The following PCDH7 variants were observed in gnomAD, a reference collection of about 807,000 sequenced individuals.
PCDH7 encodes the protein protocadherin 7.
PCDH7 carries 17 observed loss-of-function variants against 58.9 expected under a neutral mutation model. That is an observed-to-expected ratio of 0.29 (90% CI 0.20 to 0.43). PCDH7 has a LOEUF of 0.43. Ranked by LOEUF, PCDH7 falls within the 20% of genes least tolerant of loss-of-function variation. The probability of loss-of-function intolerance (pLI) is 1.00; values close to 1 mark genes in which losing one functional copy is unlikely to be tolerated. For synonymous variants in PCDH7, 664 were observed against 616.4 expected, an observed-to-expected ratio of 1.08 and a Z score of -1.14; for missense variants, 1,274 against 1,441.0, an observed-to-expected ratio of 0.88 and a Z score of 1.88.
At chr4:30,891,873 C>T (rs559058258) in intron 1 of PCDH7, among the ~76,000 whole-genome samples, 1 of 151,160 alleles carries the variant, frequency 6.6e-6, no homozygotes, top group Non-Finnish European at 1.5e-5. Context: ...TTTGTGCTCA[C>T]ATGATATGTC....
intron 3 of PCDH7, among the ~76,000 whole-genome samples, chr4:30,964,629 T>TTA (rs1430376608): frequency 6.6e-6 from 1 of 151,438 alleles, no homozygotes; most frequent in Admixed American, 6.6e-5. Flanking sequence ...TTTTTTTTTT[T>TTA]AACCTCCCTG....
At chr4:30,900,224 C>A (rs750916810) in intron 1 of PCDH7, among the ~76,000 whole-genome samples, 3 of 152,126 alleles carry the variant, frequency 2.0e-5, no homozygotes, top group Non-Finnish European at 4.4e-5. Flanking sequence ...TGTCTTATAT[C>A]ATAGAGCAAA....
intron 1 of PCDH7, among the ~76,000 whole-genome samples, chr4:30,782,673 A>T (rs575456763): frequency 4.6e-5 from 7 of 152,308 alleles, no homozygotes; most frequent in Admixed American, 3.9e-4. Flanking sequence ...ATAAGTAAAC[A>T]TATGTTTTTA....
intron 3 of PCDH7, among the ~76,000 whole-genome samples, chr4:31,056,623 CAG>C (rs755004250): frequency 2.9e-4 from 38 of 129,986 alleles, no homozygotes; most frequent in Admixed American, 6.5e-4. Flanking sequence ...GAGTGAAAGA[CAG>C]AGAGAGAGAG....
At chr4:30,885,489 A>G (rs1737587898) in intron 1 of PCDH7, among the ~76,000 whole-genome samples, 1 of 152,152 alleles carries the variant, frequency 6.6e-6, no homozygotes, top group South Asian at 2.1e-4. Flanking sequence ...GTCTCTTTCA[A>G]GATAACCTTT....
At position 30,865,223 on chromosome 4, in the gene PCDH7, A is replaced by G. The variant is rs191235767; in HGVS notation, c.71-54930A>G. Among the ~76,000 whole-genome samples, 316 of 152,250 alleles carry G rather than the reference A, an allele frequency of 2.1e-3. 2 individuals are homozygous for G. The highest frequency in any genetic ancestry group is 7.1e-3 in the African/African-American group (294 of 41,576). On this transcript the variant is annotated intron_variant, in intron 1 of 3. Coordinates refer to the PCDH7 transcript ENST00000509759. ...AAGATTTCAATAATGTTTGACTTGG[A>G]GAACATAGGACTTGGGATGTTCCTA...
intron 3 of PCDH7, among the ~76,000 whole-genome samples, chr4:31,060,845 T>C (rs936259494): frequency 6.6e-6 from 1 of 151,740 alleles, no homozygotes; most frequent in Non-Finnish European, 1.5e-5. Context: ...TTATTGAATG[T>C]CAGTTTTTCA....
intron 3 of PCDH7, among the ~76,000 whole-genome samples, chr4:30,967,640 C>A (rs1479460781): frequency 6.6e-6 from 1 of 152,124 alleles, no homozygotes; most frequent in Non-Finnish European, 1.5e-5. Flanking sequence ...TTATTTTCTT[C>A]TCTCGCTCCC....
intron 1 of PCDH7, among the ~76,000 whole-genome samples, chr4:30,772,414 T>A (rs1354591555): frequency 6.6e-6 from 1 of 152,236 alleles, no homozygotes; most frequent in Non-Finnish European, 1.5e-5. Flanking sequence ...TCTCTATCTC[T>A]TTCTTTGTTA....
At chr4:30,949,745 T>C (rs1250368377) in intron 2 of PCDH7, among the ~76,000 whole-genome samples, 1 of 152,078 alleles carries the variant, frequency 6.6e-6, no homozygotes, top group Non-Finnish European at 1.5e-5. Flanking sequence ...TCCTACTGTA[T>C]GTTAGAAAGA....
intron 1 of PCDH7, among the ~76,000 whole-genome samples, chr4:30,918,253 G>C (rs1328742507): frequency 6.6e-6 from 1 of 152,096 alleles, no homozygotes; most frequent in East Asian, 1.9e-4. Flanking sequence ...GTAGAACAAT[G>C]TGGTTTTAGG....
chr4:30,891,004 A>G (rs10939316), intron 1 of PCDH7, among the ~76,000 whole-genome samples: 26,041 of 151,798 alleles, frequency 0.17, 2,309 homozygotes, highest in African/African-American at 0.21. Context: ...GATGCTCCAT[A>G]AATGCTTGAA....
chr4:30,871,793 T>C (rs1266057626), intron 1 of PCDH7, among the ~76,000 whole-genome samples: 1 of 152,062 alleles, frequency 6.6e-6, no homozygotes, highest in Non-Finnish European at 1.5e-5. Flanking sequence ...AGCAGAGCCA[T>C]GGTCACTCTG....
chr4:30,986,985 A>AT (rs1751029585), intron 3 of PCDH7, among the ~76,000 whole-genome samples: 1 of 152,110 alleles, frequency 6.6e-6, no homozygotes, highest in Non-Finnish European at 1.5e-5. Flanking sequence ...GTCTCAAAAA[A>AT]AAATAAGAAA....
chr4:30,786,538 G>C (rs1423645300), intron 1 of PCDH7, among the ~76,000 whole-genome samples: 1 of 148,982 alleles, frequency 6.7e-6, no homozygotes, highest in Non-Finnish European at 1.5e-5. Flanking sequence ...GATGCCTCAG[G>C]GTTGTTAATT....
intron 1 of PCDH7, among the ~76,000 whole-genome samples, chr4:30,891,741 T>TA: frequency 6.6e-6 from 1 of 150,576 alleles, no homozygotes; most frequent in South Asian, 2.1e-4. Context: ...ATGTTGCAAC[T>TA]AACTGGTTGA....
intron 1 of PCDH7, among the ~76,000 whole-genome samples, chr4:30,809,297 T>G (rs1281940264): frequency 6.6e-6 from 1 of 152,190 alleles, no homozygotes; most frequent in Non-Finnish European, 1.5e-5. Flanking sequence ...CTATCTGTGT[T>G]GCCCACTGTA....
chr4:30,956,348 G>T (rs371356036), intron 3 of PCDH7, among the ~76,000 whole-genome samples: 1 of 152,082 alleles, frequency 6.6e-6, no homozygotes, highest in South Asian at 2.1e-4. Flanking sequence ...ATATTTTATC[G>T]GAATTGATGA....
chr4:30,956,199 G>C (rs1258807006), intron 3 of PCDH7, among the ~76,000 whole-genome samples: 4 of 151,458 alleles, frequency 2.6e-5, no homozygotes, highest in African/African-American at 9.7e-5. Flanking sequence ...GGGCACTCCA[G>C]CCTGGGCAAC....
Sources: allele counts gnomAD v4.1 joint callset (sites outside exome capture counted in the v4.1 genomes callset), GRCh38; gene constraint gnomAD v4.1.1; transcripts MANE v1.5; gene names NCBI Gene and HGNC (gene_info 2026-07-23, HGNC 2026-07-21).